NEXMIF: variants seen among roughly 807,000 people sequenced by gnomAD.
NEXMIF encodes the protein neurite extension and migration factor.
A neutral mutation model predicts 62.1 loss-of-function variants in NEXMIF; 8 were observed. The ratio of observed to expected loss-of-function variants is 0.13; its 90% CI spans 0.08 to 0.23. The LOEUF (loss-of-function observed/expected upper bound fraction) is 0.23, where lower values mean the gene tolerates loss of function less well. Among genes scored for constraint, NEXMIF ranks in the 10% least tolerant of loss-of-function variants. The pLI is 1.00. For missense variants in NEXMIF, 976 were observed against 1,113.3 expected (o/e 0.88, Z 1.75); for synonymous variants, 404 against 416.6 (o/e 0.97, Z 0.37).
rs1214736285 is a variant in NEXMIF, at chrX:74,874,246, G to T, written c.-48+50637C>A. Among the ~76,000 whole-genome samples the T allele has an allele frequency of 1.8e-4, 20 of 108,939 alleles. 1 individual carries two copies. The highest frequency in any genetic ancestry group is 2.5e-4 in the Non-Finnish European group (13 of 52,613). 94.6% of individuals were successfully genotyped at this position (108,939 alleles called of 115,157 possible). ...TTTTCCCAGCACCATTTATTAAATA[G>T]GGAATCCTTTCCCCATTTCTTGTTT... On this transcript the variant is annotated intron_variant, in intron 1 of 3. Coordinates refer to ENST00000055682, the MANE Select transcript of NEXMIF (RefSeq NM_001008537.3).
chrX:74,782,070 A>T (rs1185488118), intron 1 of NEXMIF, among the ~76,000 whole-genome samples: 2 of 111,615 alleles, frequency 1.8e-5, no homozygotes, highest in Admixed American at 9.6e-5. Flanking sequence ...ACCTGAACAA[A>T]ACAGTAGCTG....
intron 1 of NEXMIF, among the ~76,000 whole-genome samples, chrX:74,885,456 A>G (rs1602266201): frequency 8.9e-6 from 1 of 111,933 alleles, no homozygotes; most frequent in East Asian, 2.8e-4. Flanking sequence ...AAAAAATGAC[A>G]AAGGGGATAT....
intron 1 of NEXMIF, among the ~76,000 whole-genome samples, chrX:74,884,631 C>T (rs992264819): frequency 4.6e-4 from 51 of 111,767 alleles, no homozygotes; most frequent in Middle Eastern, 4.6e-3. Flanking sequence ...TACAGGAGCA[C>T]CCAGATTCAT....
rs1448962322 is a variant in NEXMIF at position 74,908,674 on chromosome X, A to G, written c.-48+16209T>C. On this transcript the variant is annotated intron_variant, in intron 1 of 3. Coordinates refer to ENST00000055682, the MANE Select transcript of NEXMIF (RefSeq NM_001008537.3). ...CAAAGCATTACTGAATTAGGGAGAA[A>G]AATGTGCACATGCACGTGCACACAC... is the stretch of plus-strand genomic sequence containing the variant. 3.5e-5 allele frequency among the ~76,000 whole-genome samples: 4 copies of G among 112,740 alleles called. No homozygotes were observed. The East Asian group carries it at 1.1e-3, about 32-fold the overall frequency.
chrX:74,915,894 C>T (rs1408706784), intron 1 of NEXMIF, among the ~76,000 whole-genome samples: 2 of 111,285 alleles, frequency 1.8e-5, no homozygotes, highest in Admixed American at 1.9e-4. Context: ...TTGATTATAG[C>T]CTAGTCAGTG....
chrX:74,793,302 C>T (rs1319576956), intron 1 of NEXMIF, among the ~76,000 whole-genome samples: 4 of 109,937 alleles, frequency 3.6e-5, no homozygotes, highest in African/African-American at 1.0e-4. Flanking sequence ...TGAATATTGG[C>T]CCCCACTCTC....
chrX:74,816,000 T>C (rs2080374953), intron 1 of NEXMIF, among the ~76,000 whole-genome samples: 1 of 111,529 alleles, frequency 9.0e-6, no homozygotes, highest in Non-Finnish European at 1.9e-5. Context: ...TTCCCCCATA[T>C]GACACTATTT....
chrX:74,812,417 A>AT (rs2080363235), intron 1 of NEXMIF, among the ~76,000 whole-genome samples: 1 of 111,931 alleles, frequency 8.9e-6, no homozygotes, highest in Non-Finnish European at 1.9e-5. Flanking sequence ...AGTAAAATAG[A>AT]TTTTTACCAA....
At chrX:74,896,511 C>T (rs1053527911) in intron 1 of NEXMIF, among the ~76,000 whole-genome samples, 4 of 112,189 alleles carry the variant, frequency 3.6e-5, no homozygotes, top group Admixed American at 9.5e-5. Context: ...CTGGTTTGCA[C>T]GAACTGGTTT....
At chrX:74,856,966 T>C (rs1263546364) in intron 1 of NEXMIF, among the ~76,000 whole-genome samples, 4 of 112,289 alleles carry the variant, frequency 3.6e-5, no homozygotes, top group African/African-American at 1.3e-4. Context: ...GGAGAACGCA[T>C]GTAGAGCAGC....
chrX:74,787,608 C>T (rs1234697473), intron 1 of NEXMIF, among the ~76,000 whole-genome samples: 1 of 111,842 alleles, frequency 8.9e-6, no homozygotes, highest in African/African-American at 3.2e-5. Flanking sequence ...CCCACACATA[C>T]ACATGGGGCC....
At chrX:74,859,874 T>G (rs1205500770) in intron 1 of NEXMIF, among the ~76,000 whole-genome samples, 3 of 110,769 alleles carry the variant, frequency 2.7e-5, no homozygotes, top group Non-Finnish European at 5.7e-5. Context: ...TCAAATCAAG[T>G]AACATATAAT....
intron 1 of NEXMIF, among the ~76,000 whole-genome samples, chrX:74,823,794 G>A (rs2147480584): frequency 9.0e-6 from 1 of 110,804 alleles, no homozygotes; most frequent in Non-Finnish European, 1.9e-5. Context: ...GGGGAGAGAA[G>A]GATAAAGTAA....
At chrX:74,874,280 T>C (rs1437128022) in intron 1 of NEXMIF, among the ~76,000 whole-genome samples, 1 of 106,535 alleles carries the variant, frequency 9.4e-6, no homozygotes, top group Non-Finnish European at 1.9e-5. Context: ...TTTTCTCAGG[T>C]TTGTCAAAGA....
rs181856893 is a variant in NEXMIF, at chrX:74,747,812, C to T, written c.-47-2115G>A. ...TGTATTTTTAGTAGAGATGGGATTT[C>T]GCCATGTTGGCCAGGCTGATCTTGA... On this transcript the variant is annotated intron_variant, in intron 1 of 3. Coordinates refer to ENST00000055682, the MANE Select transcript of NEXMIF (RefSeq NM_001008537.3). 4.9e-3 allele frequency among the ~76,000 whole-genome samples: 546 copies of T among 111,189 alleles called. 4 individuals are homozygous for T. Among genetic ancestry groups the T allele is most frequent in the African/African-American group, 0.017 (510 of 30,564 alleles).
At chrX:74,914,508 C>A (rs2080800281) in intron 1 of NEXMIF, among the ~76,000 whole-genome samples, 1 of 111,041 alleles carries the variant, frequency 9.0e-6, no homozygotes, top group Admixed American at 9.6e-5. Context: ...CCTATCCCTA[C>A]TAAAAATACA....
intron 1 of NEXMIF, among the ~76,000 whole-genome samples, chrX:74,923,994 C>G (rs1287466456): frequency 8.9e-6 from 1 of 112,075 alleles, no homozygotes; most frequent in African/African-American, 3.2e-5. Context: ...TTTTTTTTAA[C>G]TTCGAAAAAG....
rs770049770 is a variant in NEXMIF at position 74,739,478 on chromosome X, A to G, written c.4478T>C (p.Leu1493Pro). The G allele has an allele frequency of 1.3e-5, 15 of 1,193,171 alleles. No homozygotes were observed. The highest frequency in any genetic ancestry group is 1.8e-5 in the African/African-American group (1 of 56,131). The change falls in exon 4 of 4, where the codon CTA (leucine) becomes CCA (proline). Residue 1493 changes from leucine to proline, a missense_variant. By Grantham distance (98) the Leu-to-Pro change is moderately conservative. Coordinates refer to ENST00000055682, the MANE Select transcript of NEXMIF (RefSeq NM_001008537.3). ...EKLRDSDYNL[L>P]KAETTFWVLP... ...AACCCAAAAGGTTGTTTCTGCTTTT[A>G]GGAGATTGTAGTCGGAATCCCTGCA... is the stretch of plus-strand genomic sequence containing the variant.
At chrX:74,883,892 G>A (rs2080677655) in intron 1 of NEXMIF, among the ~76,000 whole-genome samples, 1 of 112,169 alleles carries the variant, frequency 8.9e-6, no homozygotes, top group African/African-American at 3.2e-5. Context: ...AGGGCAGCCA[G>A]AGAGAAAGGT....
Sources: gnomAD v4.1 joint callset for allele counts (sites outside exome capture counted in the v4.1 genomes callset) on GRCh38, gnomAD v4.1.1 for gene constraint, MANE v1.5 for transcripts, NCBI Gene and HGNC (gene_info 2026-07-23, HGNC 2026-07-21) for gene names.